Variants in ZNF827 observed in about 807,000 individuals in gnomAD.
ZNF827 encodes zinc finger protein 827.
A neutral mutation model predicts 102.4 loss-of-function variants in ZNF827; 13 were observed. The ratio of observed to expected loss-of-function variants is 0.13; its 90% CI spans 0.08 to 0.20. ZNF827 has a LOEUF of 0.20. ZNF827 is among the 10% of genes least tolerant of loss of function. The probability of loss-of-function intolerance (pLI) is 1.00; values close to 1 mark genes in which losing one functional copy is unlikely to be tolerated. For missense variants in ZNF827, 1,103 were observed against 1,344.4 expected (o/e 0.82, Z 2.81); for synonymous variants, 523 against 536.2 (o/e 0.98, Z 0.34).
chr4:145,886,696 G>A (rs1298189869), intron 3 of ZNF827, among the ~76,000 whole-genome samples: 2 of 151,108 alleles, frequency 1.3e-5, no homozygotes, highest in Non-Finnish European at 2.9e-5. Flanking sequence ...AGAAATTGAG[G>A]CCCCAGAATA....
At chr4:145,925,139 A>C (rs1434093048) in intron 1 of ZNF827, among the ~76,000 whole-genome samples, 2 of 152,150 alleles carry the variant, frequency 1.3e-5, no homozygotes, top group African/African-American at 4.8e-5. Context: ...GAGACTATTC[A>C]CTATCACGAG....
intron 7 of ZNF827, chr4:145,831,070 T>A (rs1371222170): frequency 1.3e-5 from 2 of 152,204 alleles, no homozygotes; most frequent in East Asian, 3.8e-4. Flanking sequence ...ACATTGCCCT[T>A]CCCTTTTCAA....
chr4:145,762,006 G>T lies in ZNF827; in HGVS notation c.*18-408C>A, dbSNP rs1206801877. ...ACCTCCTGACCTCCCCTCTAGATGG[G>T]AGCAACACAAAGAATCGACTTTTCA... On this transcript the variant is annotated intron_variant, in intron 14 of 14. Coordinates refer to ENST00000508784, the MANE Select transcript of ZNF827 (RefSeq NM_001306215.2). This position sits in a 1 kb window ranked among gnomAD's most constrained non-coding sequence, Gnocchi z 4.9. 1.3e-5 allele frequency among the ~76,000 whole-genome samples: 2 copies of T among 152,138 alleles called. No homozygotes were observed. Among genetic ancestry groups the T allele is most frequent in the Non-Finnish European group, 2.9e-5 (2 of 68,024 alleles).
At chr4:145,780,770 A>C (rs1378270008) in intron 8 of ZNF827, among the ~76,000 whole-genome samples, 1 of 152,234 alleles carries the variant, frequency 6.6e-6, no homozygotes, top group Non-Finnish European at 1.5e-5. Flanking sequence ...CAAATGACAC[A>C]CTAAGTTAAT....
chr4:145,798,445 C>T (rs1014748974), intron 8 of ZNF827, among the ~76,000 whole-genome samples: 3 of 152,182 alleles, frequency 2.0e-5, no homozygotes, highest in Admixed American at 6.5e-5. Flanking sequence ...GTGGGCAGAT[C>T]GCCTGAGATC....
intron 8 of ZNF827, among the ~76,000 whole-genome samples, chr4:145,816,492 ATTAG>A (rs1303181452): frequency 6.6e-6 from 1 of 152,242 alleles, no homozygotes; most frequent in Non-Finnish European, 1.5e-5. Flanking sequence ...ACTTAATTTA[ATTAG>A]TTAATTACTG....
At chr4:145,917,285 G>A (rs1273647154) in intron 1 of ZNF827, among the ~76,000 whole-genome samples, 1 of 152,182 alleles carries the variant, frequency 6.6e-6, no homozygotes, top group Non-Finnish European at 1.5e-5. Context: ...CGCACGACCA[G>A]ATAATTTGTA....
chr4:145,784,853 CT>C (rs1275774407), intron 8 of ZNF827, among the ~76,000 whole-genome samples: 6 of 152,052 alleles, frequency 3.9e-5, no homozygotes, highest in Non-Finnish European at 8.8e-5. Flanking sequence ...ATGGTAACCT[CT>C]TTTTTTGTAC....
intron 8 of ZNF827, among the ~76,000 whole-genome samples, chr4:145,801,873 AC>A (rs1205984030): frequency 6.6e-6 from 1 of 150,402 alleles, no homozygotes; most frequent in Non-Finnish European, 1.5e-5. Context: ...GCTGCCAGCA[AC>A]CAAAAGCTCC....
At position 145,835,880 on chromosome 4, in the gene ZNF827, C is replaced by T. The variant is rs1345702545; in HGVS notation, c.2279+10076G>A. Among the ~76,000 whole-genome samples, 6 of 151,806 alleles carry T rather than the reference C, an allele frequency of 4.0e-5. No individual in the cohort carries two copies. In the East Asian group the frequency reaches 1.2e-3, roughly 30 times the overall value. On this transcript the variant is annotated intron_variant, in intron 7 of 14. Transcript: ENST00000508784. ...CCAGACAAGCCTTTACAAGTTAGTT[C>T]AGGATCTGCGCCTTATCAACCAAAT...
chr4:145,768,874 AAAAAAAAAAAAAAAAAATATATATATAT>A (rs1735746764), intron 11 of ZNF827, among the ~76,000 whole-genome samples: 1 of 21,924 alleles, frequency 4.6e-5, no homozygotes, highest in African/African-American at 1.4e-4. Context: ...AAAAAAAAAA[AAAAAAAAAAAAAAAAAATATATATATAT>A]ATATATATAT....
In ZNF827 at chr4:145,760,702, T is replaced by G; in HGVS notation, c.*914A>C. On this transcript the variant is annotated 3_prime_UTR_variant, in exon 15 of 15. Transcript: ENST00000508784. ...TTGCAGCAACATACACCTGCTGGGG[T>G]TGTGTTTAAGTTTTGTGGTTTTTTT... The G allele has an allele frequency of 3.7e-5, 36 of 983,292 alleles. No homozygotes were observed. Among genetic ancestry groups the G allele is most frequent in the South Asian group, 5.5e-5 (2 of 36,622 alleles). 60.9% of individuals were successfully genotyped at this position (983,292 alleles called of 1,614,324 possible).
intron 11 of ZNF827, among the ~76,000 whole-genome samples, chr4:145,772,834 C>T (rs1452513634): frequency 1.3e-5 from 2 of 152,194 alleles, no homozygotes; most frequent in African/African-American, 2.4e-5. Flanking sequence ...GACAATGAGC[C>T]CTGAATCCTG....
chr4:145,929,385 T>C (rs1375859415), intron 1 of ZNF827, among the ~76,000 whole-genome samples: 2 of 152,220 alleles, frequency 1.3e-5, no homozygotes, highest in Non-Finnish European at 2.9e-5. Flanking sequence ...TATTCTCTAA[T>C]TTGAGTCTCA....
intron 5 of ZNF827, among the ~76,000 whole-genome samples, chr4:145,857,380 TATC>T (rs1747251232): frequency 2.6e-5 from 4 of 152,190 alleles, no homozygotes; most frequent in Admixed American, 2.6e-4. Context: ...ACATGAAACA[TATC>T]ATTTTCTACA....
At chr4:145,814,079 C>T (rs1286283505) in intron 8 of ZNF827, among the ~76,000 whole-genome samples, 7 of 152,096 alleles carry the variant, frequency 4.6e-5, no homozygotes, top group African/African-American at 1.4e-4. Flanking sequence ...GCTCAGAATT[C>T]GAAGCTTTTT....
intron 11 of ZNF827, among the ~76,000 whole-genome samples, chr4:145,766,442 C>A (rs912020951): frequency 6.6e-5 from 10 of 152,146 alleles, no homozygotes; most frequent in Non-Finnish European, 2.9e-5. Flanking sequence ...CCCTGAGAGA[C>A]AGGAAACAAA....
At chr4:145,800,662 TACTGACATTTTTG>T (rs528998011) in intron 8 of ZNF827, among the ~76,000 whole-genome samples, 15 of 152,330 alleles carry the variant, frequency 9.8e-5, no homozygotes, top group Non-Finnish European at 1.9e-4. Context: ...ACGTCAGCAC[TACTGACATTTTTG>T]ACTGACAATT....
At chr4:145,854,969 C>T (rs945225314) in intron 5 of ZNF827, among the ~76,000 whole-genome samples, 6 of 152,206 alleles carry the variant, frequency 3.9e-5, no homozygotes, top group African/African-American at 1.4e-4. Context: ...CGGATATCCT[C>T]AAGAGAGCAC....
Sources: allele counts gnomAD v4.1 joint callset (sites outside exome capture counted in the v4.1 genomes callset), GRCh38; gene constraint gnomAD v4.1.1; non-coding constraint Gnocchi (gnomAD v3.1); transcripts MANE v1.5; gene names NCBI Gene and HGNC (gene_info 2026-07-23, HGNC 2026-07-21).